Variants in SPOCK1 observed in about 807,000 individuals in gnomAD.
The protein encoded by SPOCK1 is testican-1.
In SPOCK1, 23 loss-of-function variants were observed where a neutral mutation model predicts 55.3. The observed-to-expected ratio is 0.42, with a 90% CI of 0.30 to 0.59. The LOEUF is 0.59. Among genes scored for constraint, SPOCK1 ranks in the 20% least tolerant of loss-of-function variants. The pLI, the probability that SPOCK1 is intolerant of heterozygous loss-of-function variation, is 0.22. For synonymous variants in SPOCK1, 226 were observed against 221.0 expected, an observed-to-expected ratio of 1.02 and a Z score of -0.20; for missense variants, 499 against 552.5, an observed-to-expected ratio of 0.90 and a Z score of 0.97.
At chr5:137,450,384 A>G (rs935380721) in intron 2 of SPOCK1, among the ~76,000 whole-genome samples, 2 of 152,166 alleles carry the variant, frequency 1.3e-5, no homozygotes, top group Admixed American at 6.5e-5. Context: ...ATCCTGCACC[A>G]GTGCATGCAA....
intron 2 of SPOCK1, among the ~76,000 whole-genome samples, chr5:137,330,588 T>TA (rs1758155014): frequency 6.6e-6 from 1 of 152,208 alleles, no homozygotes; most frequent in Admixed American, 6.5e-5. Context: ...TTCTTGATAG[T>TA]AAAAATATCC....
chr5:137,159,584 T>C (rs551325327), intron 3 of SPOCK1, among the ~76,000 whole-genome samples: 1 of 149,416 alleles, frequency 6.7e-6, no homozygotes, highest in African/African-American at 2.5e-5. Flanking sequence ...AGTTAGAACA[T>C]GCAGTATTTG....
At position 136,985,222 on chromosome 5, in the gene SPOCK1, A is replaced by C. The variant is rs1249606175; in HGVS notation, c.929-20T>G. The C allele has an allele frequency of 1.2e-6, 2 of 1,612,202 alleles. No individual in the cohort carries two copies. Among genetic ancestry groups the C allele is most frequent in the East Asian group, 4.5e-5 (2 of 44,872 alleles). On this transcript the variant is annotated intron_variant, in intron 8 of 10. Coordinates refer to ENST00000394945, the MANE Select transcript of SPOCK1 (RefSeq NM_004598.4). ...GGAGACCTAAAAAATAATTTCTGAA[A>C]GTCAGCTTCCAGATGGTATGGAGTA...
At chr5:137,437,517 T>C (rs1752890697) in intron 2 of SPOCK1, among the ~76,000 whole-genome samples, 1 of 152,238 alleles carries the variant, frequency 6.6e-6, no homozygotes. Context: ...AACATTTTTA[T>C]CACCTCTAAA....
At chr5:137,118,633 A>T (rs191095398) in intron 4 of SPOCK1, among the ~76,000 whole-genome samples, 77 of 152,348 alleles carry the variant, frequency 5.1e-4, no homozygotes, top group Non-Finnish European at 9.1e-4. Context: ...TTAGCAATAA[A>T]TACATGTACA....
At chr5:137,280,839 T>C (rs1757154637) in intron 2 of SPOCK1, among the ~76,000 whole-genome samples, 1 of 152,176 alleles carries the variant, frequency 6.6e-6, no homozygotes, top group African/African-American at 2.4e-5. Context: ...ATCCACCTTG[T>C]AAACACAGCC....
At chr5:137,396,431 G>C (rs1363054494) in intron 2 of SPOCK1, among the ~76,000 whole-genome samples, 1 of 152,232 alleles carries the variant, frequency 6.6e-6, no homozygotes, top group Non-Finnish European at 1.5e-5. Context: ...TTAAAACTAA[G>C]TTAGGGGTAA....
At chr5:137,115,654 T>C (rs568165666) in intron 4 of SPOCK1, among the ~76,000 whole-genome samples, 9 of 152,264 alleles carry the variant, frequency 5.9e-5, no homozygotes, top group African/African-American at 2.2e-4. Flanking sequence ...CTGAATGCTC[T>C]CAATTCTAAT....
At chr5:137,472,397 G>T (rs1163348531) in intron 2 of SPOCK1, among the ~76,000 whole-genome samples, 1 of 151,914 alleles carries the variant, frequency 6.6e-6, no homozygotes, top group African/African-American at 2.4e-5. Context: ...AAAGCTCAGT[G>T]CAAACTAACA....
chr5:137,328,100 T>C (rs1003629226), intron 2 of SPOCK1, among the ~76,000 whole-genome samples: 1 of 152,142 alleles, frequency 6.6e-6, no homozygotes, highest in Non-Finnish European at 1.5e-5. Flanking sequence ...TTGCCAGTAA[T>C]TGGAGAACAA....
intron 2 of SPOCK1, among the ~76,000 whole-genome samples, chr5:137,334,270 G>C (rs760579364): frequency 6.6e-6 from 1 of 152,170 alleles, no homozygotes; most frequent in Non-Finnish European, 1.5e-5. Flanking sequence ...TAATAGAAGA[G>C]GTGACTTTTC....
chr5:137,090,967 G>C (rs1458439249), intron 5 of SPOCK1, among the ~76,000 whole-genome samples: 1 of 152,056 alleles, frequency 6.6e-6, no homozygotes, highest in Non-Finnish European at 1.5e-5. Flanking sequence ...TTCAGCCATG[G>C]AACTGAGCCA....
In SPOCK1 at chr5:136,978,075, G is replaced by A. The variant is rs77836816; in HGVS notation, c.*579C>T. 8.4e-4 allele frequency: 336 copies of A among 397,642 alleles called. 1 individual carries two copies. Among genetic ancestry groups the A allele is most frequent in the African/African-American group, 5.1e-3 (248 of 48,724 alleles). 24.6% of individuals were successfully genotyped at this position (397,642 alleles called of 1,614,324 possible). On this transcript the variant is annotated 3_prime_UTR_variant, in exon 11 of 11. Transcript: ENST00000394945. Reference sequence around the variant, plus strand: ...AAATGAATTCCCCAAAGGGAGTCTTGACTGAATTAAGGCTGTTGTTTATAG... The same window carrying A: ...AAATGAATTCCCCAAAGGGAGTCTTAACTGAATTAAGGCTGTTGTTTATAG...
At chr5:137,084,954 CAA>C (rs10568473) in intron 5 of SPOCK1, among the ~76,000 whole-genome samples, 36 of 114,236 alleles carry the variant, frequency 3.2e-4, no homozygotes, top group East Asian at 5.0e-4. Context: ...TTATACAAAG[CAA>C]AAAAAAAAAA....
chr5:137,215,174 A>T (rs975566891), intron 3 of SPOCK1, among the ~76,000 whole-genome samples: 3 of 152,252 alleles, frequency 2.0e-5, no homozygotes, highest in Admixed American at 6.5e-5. Flanking sequence ...AGGTTTTCAC[A>T]TCTAAGACAT....
At chr5:137,473,205 T>C (rs1454635879) in intron 2 of SPOCK1, among the ~76,000 whole-genome samples, 3 of 152,130 alleles carry the variant, frequency 2.0e-5, no homozygotes, top group Non-Finnish European at 4.4e-5. Flanking sequence ...TCAAACAACC[T>C]AAATGCCCAT....
At chr5:137,008,889 G>A (rs1269451942) in intron 6 of SPOCK1, among the ~76,000 whole-genome samples, 1 of 152,164 alleles carries the variant, frequency 6.6e-6, no homozygotes, top group Non-Finnish European at 1.5e-5. Flanking sequence ...GGGGAGAAGG[G>A]AAGAGAGAGA....
intron 3 of SPOCK1, among the ~76,000 whole-genome samples, chr5:137,241,262 C>A (rs1756274896): frequency 6.6e-6 from 1 of 152,166 alleles, no homozygotes; most frequent in Non-Finnish European, 1.5e-5. Context: ...AACAATGAAA[C>A]TTTTACTTAG....
At chr5:137,128,129 T>C (rs924776292) in intron 4 of SPOCK1, among the ~76,000 whole-genome samples, 1 of 152,148 alleles carries the variant, frequency 6.6e-6, no homozygotes, top group African/African-American at 2.4e-5. Context: ...AGAAGGCCCG[T>C]AGATATTCCT....
Sources: gnomAD v4.1 joint callset for allele counts (sites outside exome capture counted in the v4.1 genomes callset) on GRCh38, gnomAD v4.1.1 for gene constraint, MANE v1.5 for transcripts, NCBI Gene and HGNC (gene_info 2026-07-23, HGNC 2026-07-21) for gene names.